Variants in CTNNA2 observed in about 807,000 individuals in gnomAD.
CTNNA2 encodes the protein catenin alpha-2.
CTNNA2 carries 42 observed loss-of-function variants against 101.0 expected under a neutral mutation model. The observed-to-expected ratio is 0.42, with a 90% CI of 0.32 to 0.54. The LOEUF is 0.54. Ranked by LOEUF, CTNNA2 falls within the 20% of genes least tolerant of loss-of-function variation. The pLI is 0.14. For synonymous variants in CTNNA2, 450 were observed against 456.4 expected (o/e 0.99, Z 0.18); for missense variants, 871 against 1,223.1 (o/e 0.71, Z 4.29).
chr2:79,831,059 A>G (rs922519674), intron 3 of CTNNA2, among the ~76,000 whole-genome samples: 1 of 152,104 alleles, frequency 6.6e-6, no homozygotes, highest in Non-Finnish European at 1.5e-5. Flanking sequence ...TTCTCAATGC[A>G]TAATTTTGAA....
At chr2:79,841,522 C>T (rs909116343) in intron 3 of CTNNA2, among the ~76,000 whole-genome samples, 1 of 152,008 alleles carries the variant, frequency 6.6e-6, no homozygotes, top group Non-Finnish European at 1.5e-5. Context: ...GAAAATCTGT[C>T]ATGGGATGAA....
intron 9 of CTNNA2, among the ~76,000 whole-genome samples, chr2:80,482,007 C>CTA (rs1485780151): frequency 6.6e-6 from 1 of 152,036 alleles, no homozygotes; most frequent in African/African-American, 2.4e-5. Flanking sequence ...ATCTCATTTG[C>CTA]TATGAATCAT....
chr2:79,274,690 A>G (rs1675168030), intron 2 of CTNNA2, among the ~76,000 whole-genome samples: 1 of 152,026 alleles, frequency 6.6e-6, no homozygotes, highest in South Asian at 2.1e-4. Context: ...GTTTCTCCAT[A>G]TATTATGTGG....
intron 7 of CTNNA2, among the ~76,000 whole-genome samples, chr2:80,328,545 CA>C (rs889610011): frequency 3.9e-5 from 6 of 152,206 alleles, no homozygotes; most frequent in African/African-American, 7.2e-5. Context: ...GATCCTCTTA[CA>C]GAGACTGTAG....
At chr2:79,280,328 G>A (rs1033591793) in intron 2 of CTNNA2, among the ~76,000 whole-genome samples, 1 of 152,008 alleles carries the variant, frequency 6.6e-6, no homozygotes, top group African/African-American at 2.4e-5. Context: ...CATGTGAGGG[G>A]GATGGAGTTT....
chr2:79,473,633 A>C (rs540081475), intron 4 of CTNNA2, among the ~76,000 whole-genome samples: 1 of 152,320 alleles, frequency 6.6e-6, no homozygotes, highest in Non-Finnish European at 1.5e-5. Flanking sequence ...AAAGTCAATC[A>C]AGGATTCTAT....
At chr2:79,810,263 T>A (rs1400559792) in intron 3 of CTNNA2, among the ~76,000 whole-genome samples, 3 of 152,080 alleles carry the variant, frequency 2.0e-5, no homozygotes, top group Admixed American at 2.0e-4. Context: ...CTCACAATCA[T>A]GGCAGAAGGC....
At chr2:80,480,533 C>T (rs1686065151) in intron 9 of CTNNA2, among the ~76,000 whole-genome samples, 2 of 152,070 alleles carry the variant, frequency 1.3e-5, no homozygotes, top group Non-Finnish European at 2.9e-5. Flanking sequence ...ATGTAAGTAT[C>T]GTTGCTTGTG....
intron 3 of CTNNA2, among the ~76,000 whole-genome samples, chr2:79,785,751 G>A (rs2105224295): frequency 6.6e-6 from 1 of 152,070 alleles, no homozygotes; most frequent in East Asian, 1.9e-4. Flanking sequence ...GTGAATATTT[G>A]TTGAATAAAT....
chr2:80,502,187 T>C (rs1166357811), intron 9 of CTNNA2, among the ~76,000 whole-genome samples: 11 of 152,226 alleles, frequency 7.2e-5, no homozygotes, highest in Admixed American at 7.2e-4. Context: ...CTGCTTTCTA[T>C]AAAATTTAAT....
chr2:80,614,606 T>G (rs768642583), intron 17 of CTNNA2, among the ~76,000 whole-genome samples: 19 of 151,480 alleles, frequency 1.3e-4, no homozygotes, highest in Non-Finnish European at 2.5e-4. Flanking sequence ...AGCTTCCCCA[T>G]AAGACATATC....
chr2:80,505,861 T>C (rs1040140322), intron 9 of CTNNA2, among the ~76,000 whole-genome samples: 7 of 152,348 alleles, frequency 4.6e-5, no homozygotes, highest in African/African-American at 1.7e-4. Flanking sequence ...AAGTTAACTG[T>C]AAGTGCTATA....
chr2:79,604,546 G>T (rs1198798594), intron 1 of CTNNA2, among the ~76,000 whole-genome samples: 1 of 152,176 alleles, frequency 6.6e-6, no homozygotes, highest in Non-Finnish European at 1.5e-5. Context: ...AGAGGAGAGG[G>T]CTGTACAGAG....
intron 3 of CTNNA2, among the ~76,000 whole-genome samples, chr2:79,746,653 CTTAG>C (rs962030404): frequency 6.6e-6 from 1 of 152,164 alleles, no homozygotes; most frequent in Non-Finnish European, 1.5e-5. Flanking sequence ...CACTTCCTGT[CTTAG>C]TTATTTAAAA....
chr2:79,917,661 T>G (rs1396926932), intron 7 of CTNNA2, among the ~76,000 whole-genome samples: 2 of 152,146 alleles, frequency 1.3e-5, no homozygotes, highest in Admixed American at 6.5e-5. Context: ...TTTCTAAAGG[T>G]GCTCAACTGT....
intron 4 of CTNNA2, among the ~76,000 whole-genome samples, chr2:79,490,799 C>G (rs973547963): frequency 6.6e-6 from 1 of 152,134 alleles, no homozygotes; most frequent in Non-Finnish European, 1.5e-5. Flanking sequence ...ATGTTATGAT[C>G]CCTTAGAGGA....
intron 3 of CTNNA2, among the ~76,000 whole-genome samples, chr2:79,752,287 A>T (rs2105035991): frequency 6.6e-6 from 1 of 152,326 alleles, no homozygotes; most frequent in African/African-American, 2.4e-5. Flanking sequence ...CGAACAAAGA[A>T]TCCTAAAATC....
intron 7 of CTNNA2, among the ~76,000 whole-genome samples, chr2:80,333,045 TTCTATGACTG>T (rs1671475314): frequency 6.6e-6 from 1 of 152,324 alleles, no homozygotes; most frequent in South Asian, 2.1e-4. Flanking sequence ...TTTACATATT[TTCTATGACTG>T]TCTATTCATT....
At chr2:79,287,024 A>G (rs1675614848) in intron 2 of CTNNA2, among the ~76,000 whole-genome samples, 1 of 152,048 alleles carries the variant, frequency 6.6e-6, no homozygotes, top group African/African-American at 2.4e-5. Context: ...CATCGCTGAT[A>G]CCCTTTCTTC....
Sources: gnomAD v4.1 joint callset for allele counts (sites outside exome capture counted in the v4.1 genomes callset) on GRCh38, gnomAD v4.1.1 for gene constraint, MANE v1.5 for transcripts, NCBI Gene and HGNC (gene_info 2026-07-23, HGNC 2026-07-21) for gene names.